The following POU2F3 variants were observed in gnomAD, a reference collection of about 807,000 sequenced individuals.
POU2F3 encodes the protein POU domain, class 2, transcription factor 3.
Under a neutral mutation model 59.2 loss-of-function variants are expected in POU2F3, and 23 were observed. The ratio of observed to expected loss-of-function variants is 0.39; its 90% CI spans 0.28 to 0.55. POU2F3 has a LOEUF of 0.55. Ranked by LOEUF, POU2F3 falls within the 20% of genes least tolerant of loss-of-function variation. The pLI, the probability that POU2F3 is intolerant of heterozygous loss-of-function variation, is 0.66. For synonymous variants in POU2F3, 190 were observed against 214.6 expected, an observed-to-expected ratio of 0.89 and a Z score of 1.00; for missense variants, 473 against 544.5, an observed-to-expected ratio of 0.87 and a Z score of 1.31.
Position 120,302,014 on chromosome 11 carries a change from C to T in POU2F3, c.362-272C>T, listed in dbSNP as rs577263555. The T allele has an allele frequency of 2.5e-3, 999 of 400,254 alleles. 3 individuals are homozygous for T. Among genetic ancestry groups the T allele is most frequent in the Non-Finnish European group, 3.6e-3 (800 of 221,656 alleles). The allele number at this position is 400,254 out of a possible 1,614,324, so 24.8% of individuals were successfully genotyped here. On this transcript the variant is annotated intron_variant, in intron 5 of 12. Coordinates refer to ENST00000543440, the MANE Select transcript of POU2F3 (RefSeq NM_014352.4). ...TCGTCTTGACCCTCCTTAGCCTCTA[C>T]GCCTCTCCAGACAGGCGGGCAGGTG... is the stretch of plus-strand genomic sequence containing the variant.
chr11:120,265,890 C>T (rs1158155899), intron 2 of POU2F3: 7 of 152,146 alleles, frequency 4.6e-5, no homozygotes, highest in African/African-American at 7.3e-5. Context: ...ATTTGCCTGC[C>T]CACTCTTTCT....
In POU2F3 at chr11:120,307,591, G is replaced by A; in HGVS notation, c.882G>A (p.Leu294=). 1 of 1,614,174 alleles carries A rather than the reference G, an allele frequency of 6.2e-7. No individual in the cohort carries two copies. Among genetic ancestry groups the A allele is most frequent in the African/African-American group, 1.3e-5 (1 of 75,054 alleles). The stretch of plus-strand genomic sequence containing the variant: ...CCAGCATCGAGACCAACATCCGCCT[G>A]ACTCTGGAGAAGAGGTTTCAAGATG... The part of the protein sequence containing the change: ...KRTSIETNIR[L]TLEKRFQDNP... Residue 294 remains leucine (L), a synonymous_variant, in exon 9 of 13, where the codon CTG becomes CTA. Coordinates refer to ENST00000543440, the MANE Select transcript of POU2F3 (RefSeq NM_014352.4).
At chr11:120,287,485 G>T (rs539489848) in intron 3 of POU2F3, among the ~76,000 whole-genome samples, 2 of 152,262 alleles carry the variant, frequency 1.3e-5, no homozygotes, top group East Asian at 3.9e-4. Flanking sequence ...CCTGGAACAG[G>T]TTTTCTAGAC....
At chr11:120,271,232 G>A (rs541320482) in intron 3 of POU2F3, among the ~76,000 whole-genome samples, 4 of 152,218 alleles carry the variant, frequency 2.6e-5, no homozygotes, top group Non-Finnish European at 5.9e-5. Flanking sequence ...GTTAGCTACA[G>A]AGAGGAAGGA....
intron 11 of POU2F3, among the ~76,000 whole-genome samples, chr11:120,316,676 TCAGCC>T: frequency 1.3e-5 from 2 of 152,222 alleles, no homozygotes; most frequent in Non-Finnish European, 2.9e-5. Context: ...CCCTCCTGCC[TCAGCC>T]TCCCAAAAGT....
chr11:120,312,173 G>C (rs1436119290), intron 10 of POU2F3, among the ~76,000 whole-genome samples: 2 of 151,042 alleles, frequency 1.3e-5, no homozygotes, highest in South Asian at 2.1e-4. Flanking sequence ...GCCCAGGCTG[G>C]AGTGCAATGG....
At chr11:120,313,798 G>A (rs1283325751) in intron 10 of POU2F3, among the ~76,000 whole-genome samples, 1 of 152,206 alleles carries the variant, frequency 6.6e-6, no homozygotes, top group Non-Finnish European at 1.5e-5. Flanking sequence ...TGGATCACCT[G>A]AGGTTAGGAG....
Position 120,318,427 on chromosome 11 carries a change from T to C in POU2F3, c.*35T>C. The C allele has an allele frequency of 6.5e-7, 1 of 1,546,174 alleles. No individual in the cohort carries two copies. The highest frequency in any genetic ancestry group is 8.9e-7 in the Non-Finnish European group (1 of 1,118,310). On this transcript the variant is annotated 3_prime_UTR_variant, in exon 13 of 13. Coordinates refer to ENST00000543440, the MANE Select transcript of POU2F3 (RefSeq NM_014352.4). ...GTTTCTCCTACTCCAGCTGGCCCTG[T>C]ATTCCCCCTGGAAGGAAGGGAATCA... is the stretch of plus-strand genomic sequence containing the variant.
At chr11:120,252,016 G>C (rs1939125466) in intron 2 of POU2F3, among the ~76,000 whole-genome samples, 1 of 151,390 alleles carries the variant, frequency 6.6e-6, no homozygotes, top group South Asian at 2.1e-4. Flanking sequence ...GGCTGGTCTT[G>C]AACTCTTGAC....
At chr11:120,299,538 C>T (rs1240455161) in intron 4 of POU2F3, 86 bp from the exon 5 acceptor site, 35 of 1,224,442 alleles carry the variant, frequency 2.9e-5, no homozygotes, top group Non-Finnish European at 3.5e-5. Context: ...GTCTGGAGAC[C>T]CCTGGGACGG....
At chr11:120,280,981 G>A (rs1940545049) in intron 3 of POU2F3, among the ~76,000 whole-genome samples, 1 of 152,182 alleles carries the variant, frequency 6.6e-6, no homozygotes, top group African/African-American at 2.4e-5. Context: ...TGCAGGGAGG[G>A]GGCGGGCCCT....
intron 2 of POU2F3, among the ~76,000 whole-genome samples, chr11:120,258,420 A>T (rs114513135): frequency 6.6e-6 from 1 of 152,106 alleles, no homozygotes; most frequent in Non-Finnish European, 1.5e-5. Context: ...TTTGTCCCTG[A>T]GTTGCCATTT....
chr11:120,312,071 C>A (rs1941662704), intron 10 of POU2F3, among the ~76,000 whole-genome samples: 1 of 152,152 alleles, frequency 6.6e-6, no homozygotes. Flanking sequence ...GAGTAGTGTA[C>A]AAGGCAGAAG....
intron 5 of POU2F3, 180 bp from the exon 6 acceptor site, chr11:120,302,106 G>A (rs1267991488): frequency 3.4e-6 from 2 of 591,732 alleles, no homozygotes; most frequent in African/African-American, 3.7e-5. Context: ...GCCTCCACCT[G>A]TATGTGGCAA....
At chr11:120,292,847 A>G (rs1266523991) in intron 3 of POU2F3, among the ~76,000 whole-genome samples, 3 of 152,164 alleles carry the variant, frequency 2.0e-5, no homozygotes, top group African/African-American at 7.2e-5. Flanking sequence ...CATTTTTAGA[A>G]CTGAATTCAG....
At chr11:120,298,524 T>A in intron 4 of POU2F3, 134 bp downstream of exon 4, 2 of 1,283,034 alleles carry the variant, frequency 1.6e-6, no homozygotes, top group Non-Finnish European at 1.1e-6. Flanking sequence ...AGGCTGTGAG[T>A]AGGGTTCTAA....
chr11:120,286,025 G>A (rs1320710102), intron 3 of POU2F3, among the ~76,000 whole-genome samples: 1 of 152,078 alleles, frequency 6.6e-6, no homozygotes, highest in Non-Finnish European at 1.5e-5. Context: ...TGGGATCACA[G>A]GCGCCCACCA....
chr11:120,286,783 A>G (rs1044802474), intron 3 of POU2F3, among the ~76,000 whole-genome samples: 9 of 151,450 alleles, frequency 5.9e-5, no homozygotes, highest in African/African-American at 1.9e-4. Flanking sequence ...CCTATGTTTT[A>G]TCTTATGACT....
chr11:120,249,123 TG>T (rs1306153901), intron 2 of POU2F3, among the ~76,000 whole-genome samples: 3 of 152,172 alleles, frequency 2.0e-5, no homozygotes, highest in East Asian at 3.9e-4. Context: ...TCCTGGCTGG[TG>T]GAGACGTGGC....
Sources: gnomAD v4.1 joint callset for allele counts (sites outside exome capture counted in the v4.1 genomes callset) on GRCh38, gnomAD v4.1.1 for gene constraint, MANE v1.5 for transcripts, NCBI Gene and HGNC (gene_info 2026-07-23, HGNC 2026-07-21) for gene names.